Variants in ADGRL2 observed in about 807,000 individuals in gnomAD.
ADGRL2 encodes the protein adhesion G protein-coupled receptor L2.
Under a neutral mutation model 157.4 loss-of-function variants are expected in ADGRL2, and 44 were observed. The observed-to-expected ratio is 0.28, with a 90% CI of 0.22 to 0.36. The LOEUF (loss-of-function observed/expected upper bound fraction) is 0.36. Ranked by LOEUF, ADGRL2 falls within the 10% of genes least tolerant of loss-of-function variation. ADGRL2 has a pLI of 1.00. For synonymous variants in ADGRL2, 585 were observed against 624.7 expected, an observed-to-expected ratio of 0.94 and a Z score of 0.95; for missense variants, 1,510 against 1,768.9, an observed-to-expected ratio of 0.85 and a Z score of 2.63.
At chr1:81,962,755 T>C (rs572912049) in intron 11 of ADGRL2, among the ~76,000 whole-genome samples, 49 of 152,314 alleles carry the variant, frequency 3.2e-4, no homozygotes, top group African/African-American at 1.1e-3. Context: ...TTACGTTTAG[T>C]GCGTAATCCA....
rs115091693 is a variant in ADGRL2, at chr1:81,350,934, G to A, written c.-302+44425G>A. ...GGCTCAAAGAGATGGTTCTAAATAG[G>A]CAGTGCTCATATGTTTTTATTGATT... On this transcript the variant is annotated intron_variant, in intron 1 of 24. Coordinates refer to the ADGRL2 transcript ENST00000370721. Among the ~76,000 whole-genome samples, 380 of 152,136 alleles carry A rather than the reference G, an allele frequency of 2.5e-3. 1 individual carries two copies. Among genetic ancestry groups the A allele is most frequent in the Non-Finnish European group, 4.7e-3 (318 of 67,986 alleles).
At chr1:81,563,386 A>T (rs2080488089) in intron 2 of ADGRL2, among the ~76,000 whole-genome samples, 1 of 152,168 alleles carries the variant, frequency 6.6e-6, no homozygotes, top group South Asian at 2.1e-4. Context: ...CTTAAGGGAT[A>T]GGCCAACATT....
At chr1:81,377,363 C>G (rs1286201022) in intron 1 of ADGRL2, among the ~76,000 whole-genome samples, 1 of 152,058 alleles carries the variant, frequency 6.6e-6, no homozygotes. Context: ...TTAATCAATT[C>G]TCGGTAAATG....
At chr1:81,598,170 A>G (rs1326001373) in intron 3 of ADGRL2, among the ~76,000 whole-genome samples, 1 of 152,182 alleles carries the variant, frequency 6.6e-6, no homozygotes, top group Non-Finnish European at 1.5e-5. Context: ...TTCAAGGTGC[A>G]GAGGTGAATG....
intron 19 of ADGRL2, among the ~76,000 whole-genome samples, chr1:81,983,746 C>G (rs1172933245): frequency 6.6e-6 from 1 of 152,060 alleles, no homozygotes; most frequent in Non-Finnish European, 1.5e-5. Flanking sequence ...TGTACCACTG[C>G]TTTAGATGGG....
intron 17 of ADGRL2, among the ~76,000 whole-genome samples, chr1:81,975,999 T>C (rs549549691): frequency 6.6e-6 from 1 of 152,142 alleles, no homozygotes; most frequent in African/African-American, 2.4e-5. Context: ...TAGCATTACA[T>C]TTTTTTAACA....
At chr1:81,697,336 T>G (rs561457835), upstream of ADGRL2, among the ~76,000 whole-genome samples, 4 of 152,332 alleles carry the variant, frequency 2.6e-5, no homozygotes, top group East Asian at 7.7e-4. Context: ...TCTTTACTCC[T>G]TATTAAATAA....
intron 1 of ADGRL2, among the ~76,000 whole-genome samples, chr1:81,821,912 A>G (rs1440383804): frequency 6.6e-6 from 1 of 151,984 alleles, no homozygotes; most frequent in East Asian, 1.9e-4. Context: ...GATTTGAGGA[A>G]TGGTGGCAAG....
intron 2 of ADGRL2, among the ~76,000 whole-genome samples, chr1:81,769,027 G>A (rs557819336): frequency 7.2e-5 from 11 of 152,246 alleles, no homozygotes; most frequent in African/African-American, 2.4e-4. Context: ...GGAGGTTGCT[G>A]AGTAGAGATC....
chr1:81,947,934 A>T (rs1650405853), intron 6 of ADGRL2, among the ~76,000 whole-genome samples: 1 of 152,166 alleles, frequency 6.6e-6, no homozygotes, highest in African/African-American at 2.4e-5. Context: ...AAAGGTAAAA[A>T]GTGGCTGGGC....
intron 2 of ADGRL2, among the ~76,000 whole-genome samples, chr1:81,456,035 C>T (rs2077797676): frequency 1.3e-5 from 2 of 152,150 alleles, no homozygotes; most frequent in South Asian, 4.1e-4. Context: ...GTTTAATAAC[C>T]TCATAAAAGC....
At chr1:81,557,908 G>C (rs2080350057) in intron 2 of ADGRL2, 1 of 152,244 alleles carries the variant, frequency 6.6e-6, no homozygotes, top group African/African-American at 2.4e-5. Flanking sequence ...CACATTCTCT[G>C]GGAAGTCCTC....
At chr1:81,501,796 G>C in intron 2 of ADGRL2, 1 of 1,604,796 alleles carries the variant, frequency 6.2e-7, no homozygotes, top group Non-Finnish European at 8.5e-7. Flanking sequence ...AGCAGCAGCA[G>C]CAGCAGCAGC....
At chr1:81,500,649 C>T (rs1255750121) in intron 2 of ADGRL2, among the ~76,000 whole-genome samples, 1 of 152,028 alleles carries the variant, frequency 6.6e-6, no homozygotes, top group Non-Finnish European at 1.5e-5. Context: ...GGACTGAGCA[C>T]CAGGGCAAGT....
intron 11 of ADGRL2, among the ~76,000 whole-genome samples, chr1:81,956,531 T>C (rs1653554418): frequency 6.6e-6 from 1 of 152,180 alleles, no homozygotes; most frequent in African/African-American, 2.4e-5. Context: ...GTCAGTGAAT[T>C]ACATCTCCCA....
rs1456373917 is a variant in ADGRL2 at position 81,654,225 on chromosome 1, C to T, written c.-143+73245C>T. Among the ~76,000 whole-genome samples, 8 of 152,104 alleles carry T rather than the reference C, an allele frequency of 5.3e-5. No individual in the cohort carries two copies. The South Asian group carries it at 6.2e-4, about 12-fold the overall frequency. On this transcript the variant is annotated intron_variant, in intron 3 of 24. Coordinates refer to the ADGRL2 transcript ENST00000370721. The stretch of plus-strand genomic sequence containing the variant: ...CCTCCCAACGTGTTAGAATTACAGG[C>T]GTGAGCCACCACACCCAGCCTCCGC...
At chr1:81,755,240 A>G (rs2085648125) in intron 1 of ADGRL2, among the ~76,000 whole-genome samples, 1 of 148,908 alleles carries the variant, frequency 6.7e-6, no homozygotes, top group East Asian at 2.0e-4. Context: ...ATCTTCATAC[A>G]TGGGGGTGAT....
At chr1:81,688,218 C>G (rs897007362) in intron 3 of ADGRL2, among the ~76,000 whole-genome samples, 29 of 152,182 alleles carry the variant, frequency 1.9e-4, no homozygotes, top group African/African-American at 6.8e-4. Context: ...GACTAGGTCT[C>G]TAGCTAGGCC....
chr1:81,370,605 C>A (rs2076145897), intron 1 of ADGRL2, among the ~76,000 whole-genome samples: 1 of 152,072 alleles, frequency 6.6e-6, no homozygotes, highest in African/African-American at 2.4e-5. Flanking sequence ...TCTCAGAAGA[C>A]CCCCTCCCCT....
Sources: allele counts gnomAD v4.1 joint callset (sites outside exome capture counted in the v4.1 genomes callset), GRCh38; gene constraint gnomAD v4.1.1; transcripts MANE v1.5; gene names NCBI Gene and HGNC (gene_info 2026-07-23, HGNC 2026-07-21).